Variants in EGFR observed in about 807,000 individuals in gnomAD.
EGFR encodes avian erythroblastic leukemia viral (v-erb-b) oncogene homolog.
EGFR carries 58 observed loss-of-function variants against 143.0 expected under a neutral mutation model. The observed-to-expected ratio is 0.41, with a 90% CI of 0.33 to 0.50. The LOEUF (loss-of-function observed/expected upper bound fraction) is 0.50. Among genes scored for constraint, EGFR ranks in the 20% least tolerant of loss-of-function variants. The pLI is 0.39. For synonymous variants in EGFR, 613 were observed against 594.4 expected (o/e 1.03, Z -0.45); for missense variants, 1,307 against 1,579.0 (o/e 0.83, Z 2.92).
rs761608448 is a variant in EGFR at position 55,205,455 on chromosome 7, G to C, written c.3471G>C (p.Trp1157Cys). Reference protein sequence around the residue: ...VNSTFDSPAHWAQKGSHQISL... With the variant: ...VNSTFDSPAHCAQKGSHQISL... ...GCACATTCGACAGCCCTGCCCACTG[G>C]GCCCAGAAAGGCAGCCACCAAATTA... Residue 1157 changes from tryptophan to cysteine, a missense_variant, in exon 28 of 28, where the codon TGG becomes TGC. Physicochemically the swap from Trp to Cys is radical, Grantham distance 215. Transcript: ENST00000275493. The C allele has an allele frequency of 1.4e-5, 22 of 1,613,948 alleles. No individual in the cohort carries two copies. The East Asian group carries it at 4.7e-4, about 34-fold the overall frequency.
At chr7:55,042,562 T>C (rs367742130) in intron 1 of EGFR, among the ~76,000 whole-genome samples, 3 of 152,120 alleles carry the variant, frequency 2.0e-5, no homozygotes, top group African/African-American at 7.2e-5. Context: ...CCATGCAGCA[T>C]GGATGTGGGA....
intron 1 of EGFR, among the ~76,000 whole-genome samples, chr7:55,069,598 C>T (rs942972531): frequency 6.6e-6 from 1 of 152,196 alleles, no homozygotes; most frequent in Non-Finnish European, 1.5e-5. Context: ...TGGCTTTTGT[C>T]CTCCTCTCCA....
At chr7:55,156,061 A>C in intron 8 of EGFR, 115 bp downstream of exon 8, 4 of 788,590 alleles carry the variant, frequency 5.1e-6, no homozygotes, top group Non-Finnish European at 6.5e-6. Flanking sequence ...AACTATACAT[A>C]TCGTTTCTTT....
At chr7:55,047,995 A>C (rs1045599329) in intron 1 of EGFR, among the ~76,000 whole-genome samples, 3 of 152,152 alleles carry the variant, frequency 2.0e-5, no homozygotes, top group Non-Finnish European at 2.9e-5. Flanking sequence ...TATAAATATA[A>C]ATAATATGAA....
At chr7:55,082,144 A>G (rs1357655740) in intron 1 of EGFR, among the ~76,000 whole-genome samples, 1 of 152,216 alleles carries the variant, frequency 6.6e-6, no homozygotes. Context: ...ACATTAGTGG[A>G]TCAGTGATCA....
chr7:55,201,343 C>T lies in EGFR; in HGVS notation c.3102C>T (p.Leu1034=), dbSNP rs2128971782. 1 of 1,614,174 alleles carries T rather than the reference C, an allele frequency of 6.2e-7. No homozygotes were observed. The highest frequency in any genetic ancestry group is 1.3e-5 in the African/African-American group (1 of 75,046). The part of the protein sequence containing the change: ...FSSPSTSRTP[L]LSSLSATSNN... ...GCCCCTCCACGTCACGGACTCCCCT[C>T]CTGAGCTCTCTGGTATGAAATCTCT... is the stretch of plus-strand genomic sequence containing the variant. Residue 1034 remains leucine (L), a synonymous_variant, in exon 25 of 28, where the codon CTC becomes CTT. Transcript: ENST00000275493.
chr7:55,086,134 A>T (rs1288544322), intron 1 of EGFR, among the ~76,000 whole-genome samples: 1 of 152,148 alleles, frequency 6.6e-6, no homozygotes, highest in African/African-American at 2.4e-5. Flanking sequence ...GTGCCTCACA[A>T]TTTCTCTGCT....
At chr7:55,046,046 C>A (rs1788159287) in intron 1 of EGFR, among the ~76,000 whole-genome samples, 1 of 152,094 alleles carries the variant, frequency 6.6e-6, no homozygotes, top group Non-Finnish European at 1.5e-5. Flanking sequence ...CTGTTTCTTT[C>A]TACTTTTTTT....
At chr7:55,067,001 G>A (rs1314081264) in intron 1 of EGFR, among the ~76,000 whole-genome samples, 1 of 152,202 alleles carries the variant, frequency 6.6e-6, no homozygotes, top group African/African-American at 2.4e-5. Context: ...TTATGCCTCA[G>A]CCCCACCATG....
At chr7:55,105,761 A>T (rs1403753934) in intron 1 of EGFR, among the ~76,000 whole-genome samples, 2 of 152,228 alleles carry the variant, frequency 1.3e-5, no homozygotes, top group Non-Finnish European at 2.9e-5. Context: ...TTTCATCCTA[A>T]AGATTATTTA....
chr7:55,160,539 G>A (rs774777196), intron 12 of EGFR, among the ~76,000 whole-genome samples: 23 of 152,224 alleles, frequency 1.5e-4, no homozygotes, highest in Non-Finnish European at 3.1e-4. Flanking sequence ...CATTCAATGG[G>A]ATGAATTTAC....
intron 1 of EGFR, among the ~76,000 whole-genome samples, chr7:55,139,412 A>G (rs17516612): frequency 0.05 from 7,673 of 152,286 alleles, 259 homozygotes; most frequent in Middle Eastern, 0.17. Context: ...GATATTTGGT[A>G]TAAGGATGGA....
intron 3 of EGFR, 87 bp from the exon 4 acceptor site, chr7:55,146,519 G>A (rs2128929212): frequency 1.9e-6 from 3 of 1,594,422 alleles, no homozygotes; most frequent in Non-Finnish European, 2.6e-6. Flanking sequence ...CTCTTTAGCA[G>A]AACATAAATG....
chr7:55,088,535 C>A (rs576874573), intron 1 of EGFR, among the ~76,000 whole-genome samples: 1 of 152,344 alleles, frequency 6.6e-6, no homozygotes, highest in East Asian at 1.9e-4. Flanking sequence ...GGCATCCGCA[C>A]TTGCAAATTA....
chr7:55,149,952 C>G (rs1794947149), intron 4 of EGFR, among the ~76,000 whole-genome samples: 2 of 152,108 alleles, frequency 1.3e-5, no homozygotes, highest in South Asian at 4.1e-4. Context: ...TATACATAGA[C>G]TTATATGTCT....
intron 4 of EGFR, among the ~76,000 whole-genome samples, chr7:55,146,958 G>A (rs991120569): frequency 6.6e-6 from 1 of 152,206 alleles, no homozygotes; most frequent in African/African-American, 2.4e-5. Flanking sequence ...GGCAGTGCAG[G>A]CCACCGGAGG....
chr7:55,165,981 C>A (rs10241363), intron 15 of EGFR, among the ~76,000 whole-genome samples: 1 of 152,046 alleles, frequency 6.6e-6, no homozygotes, highest in Admixed American at 6.5e-5. Context: ...AGCTTGAGAC[C>A]AGGCTGGCCA....
At chr7:55,126,302 C>A (rs1037524172) in intron 1 of EGFR, among the ~76,000 whole-genome samples, 1 of 152,160 alleles carries the variant, frequency 6.6e-6, no homozygotes, top group Non-Finnish European at 1.5e-5. Flanking sequence ...CAGGACTGTT[C>A]GTTTTTGCAC....
intron 3 of EGFR, among the ~76,000 whole-genome samples, chr7:55,146,307 C>T (rs1794757041): frequency 6.6e-6 from 1 of 152,134 alleles, no homozygotes; most frequent in South Asian, 2.1e-4. Context: ...CAGCTTACCA[C>T]ATGCATATCA....
Sources: allele counts gnomAD v4.1 joint callset (sites outside exome capture counted in the v4.1 genomes callset), GRCh38; gene constraint gnomAD v4.1.1; transcripts MANE v1.5; gene names NCBI Gene and HGNC (gene_info 2026-07-23, HGNC 2026-07-21).